The following HIVEP3 variants were observed in gnomAD, a reference collection of about 807,000 sequenced individuals.
HIVEP3 encodes the protein transcription factor HIVEP3.
A neutral mutation model predicts 152.8 loss-of-function variants in HIVEP3; 49 were observed. The ratio of observed to expected loss-of-function variants is 0.32; its 90% CI spans 0.26 to 0.41. The LOEUF is 0.41. Ranked by LOEUF, HIVEP3 falls within the 10% of genes least tolerant of loss-of-function variation. The probability of loss-of-function intolerance (pLI) is 1.00; values close to 1 mark genes in which losing one functional copy is unlikely to be tolerated. For missense variants in HIVEP3, 2,790 were observed against 3,103.3 expected, an observed-to-expected ratio of 0.90 and a Z score of 2.40; for synonymous variants, 1,269 against 1,289.0, an observed-to-expected ratio of 0.98 and a Z score of 0.33.
rs1558017086 is a variant in HIVEP3 at position 41,513,613 on chromosome 1, T to C, written c.5608A>G (p.Ser1870Gly). The C allele has an allele frequency of 6.2e-7, 1 of 1,613,930 alleles. No individual in the cohort carries two copies. The highest frequency in any genetic ancestry group is 8.5e-7 in the Non-Finnish European group (1 of 1,179,982). Reference protein sequence around the residue: ...DEDEDEDEEESQDELSRPSSE... With the variant: ...DEDEDEDEEEGQDELSRPSSE... ...GATGGTCTGGACAGCTCATCCTGGC[T>C]CTCCTCCTCATCCTCATCCTCGTCT... The change falls in exon 8 of 9, where the codon AGC becomes GGC. Residue 1870 changes from serine (S) to glycine (G), a missense_variant. Ser to Gly is a moderately conservative substitution (Grantham distance 56, BLOSUM62 0). This residue lies in a region of HIVEP3 where 816 missense variants were observed against 806.5 expected (regional missense o/e 1.01). Coordinates refer to ENST00000372583, the MANE Select transcript of HIVEP3 (RefSeq NM_024503.5).
intron 2 of HIVEP3, among the ~76,000 whole-genome samples, chr1:41,642,797 G>A (rs75979927): frequency 0.063 from 9,559 of 152,198 alleles, 629 homozygotes; most frequent in African/African-American, 0.17. Flanking sequence ...CAGCCCATCA[G>A]TGTCCACATG....
chr1:41,918,371 G>A lies in HIVEP3; in HGVS notation c.-801+42C>T, dbSNP rs576234195. On this transcript the variant is annotated intron_variant, in intron 1 of 8. Transcript: ENST00000372583. This position sits in a 1 kb window ranked among gnomAD's most constrained non-coding sequence, Gnocchi z 4.3. Reference sequence around the variant, plus strand: ...ACACAATCACAAGGTAAAATACAGCGCAAGGAATCCATCCGCCGAATAAAA... The same window carrying A: ...ACACAATCACAAGGTAAAATACAGCACAAGGAATCCATCCGCCGAATAAAA... 1 of 152,422 alleles carries A rather than the reference G, an allele frequency of 6.6e-6. No individual in the cohort carries two copies. The highest frequency in any genetic ancestry group is 1.9e-4 in the East Asian group (1 of 5,182). 9.4% of individuals were successfully genotyped at this position (152,422 alleles called of 1,614,324 possible).
At chr1:41,909,992 AG>A (rs1557511942) in intron 1 of HIVEP3, among the ~76,000 whole-genome samples, 1 of 151,990 alleles carries the variant, frequency 6.6e-6, no homozygotes, top group African/African-American at 2.4e-5. Flanking sequence ...TGGGGAAAAA[AG>A]CCTGAAAATT....
At chr1:41,680,516 C>T (rs1646022619) in intron 2 of HIVEP3, among the ~76,000 whole-genome samples, 3 of 152,202 alleles carry the variant, frequency 2.0e-5, no homozygotes, top group Non-Finnish European at 1.5e-5. Flanking sequence ...TCTTTTTGAA[C>T]CAGCTGATAG....
At chr1:41,666,274 T>TC (rs1297919142) in intron 2 of HIVEP3, among the ~76,000 whole-genome samples, 3 of 152,300 alleles carry the variant, frequency 2.0e-5, no homozygotes, top group East Asian at 1.9e-4. Context: ...TGAGGTCCAG[T>TC]CCTCCAGACT....
intron 1 of HIVEP3, among the ~76,000 whole-genome samples, chr1:41,838,206 C>T (rs1295358081): frequency 2.0e-5 from 3 of 152,190 alleles, no homozygotes; most frequent in East Asian, 1.9e-4. Context: ...CCCTCATTTT[C>T]CCCCAACGGT....
chr1:41,954,212 C>T (rs747435982), intron 1 of HIVEP3, among the ~76,000 whole-genome samples: 3 of 152,182 alleles, frequency 2.0e-5, no homozygotes, highest in Non-Finnish European at 4.4e-5. Context: ...TTTAAAGGTT[C>T]CCTTGCAGCT....
chr1:41,979,551 G>A (rs1482775067), intron 1 of HIVEP3, among the ~76,000 whole-genome samples: 2 of 152,182 alleles, frequency 1.3e-5, no homozygotes, highest in Non-Finnish European at 2.9e-5. Flanking sequence ...CCCTATTACT[G>A]TCACTCACTC....
intron 5 of HIVEP3, among the ~76,000 whole-genome samples, chr1:41,566,568 A>G (rs909643068): frequency 4.6e-5 from 7 of 152,176 alleles, no homozygotes; most frequent in Non-Finnish European, 2.9e-5. Flanking sequence ...CTCCACAGCC[A>G]GTCTCTTAGG....
chr1:41,975,021 C>T (rs1645252030), intron 1 of HIVEP3, among the ~76,000 whole-genome samples: 1 of 152,150 alleles, frequency 6.6e-6, no homozygotes. Context: ...AGCTAGCTTC[C>T]CAAGGGCCAC....
chr1:41,563,956 G>A (rs1644123120), intron 5 of HIVEP3, among the ~76,000 whole-genome samples: 1 of 152,170 alleles, frequency 6.6e-6, no homozygotes, highest in African/African-American at 2.4e-5. Context: ...CACCTTGGGA[G>A]GCTGAAGAGG....
At chr1:41,551,623 A>T (rs1168953436) in intron 5 of HIVEP3, among the ~76,000 whole-genome samples, 1 of 152,228 alleles carries the variant, frequency 6.6e-6, no homozygotes, top group Non-Finnish European at 1.5e-5. Context: ...GTATGTGTCC[A>T]GGAATTTATC....
chr1:41,593,795 G>C (rs146412853), intron 3 of HIVEP3, among the ~76,000 whole-genome samples: 1 of 152,182 alleles, frequency 6.6e-6, no homozygotes, highest in Non-Finnish European at 1.5e-5. Context: ...CTTATAGTTC[G>C]AGTGGTCAGA....
At chr1:41,771,947 G>A (rs1235698045) in intron 1 of HIVEP3, among the ~76,000 whole-genome samples, 3 of 152,268 alleles carry the variant, frequency 2.0e-5, no homozygotes, top group Admixed American at 6.5e-5. Context: ...TTACAGGCGT[G>A]AGCCACCGCA....
intron 1 of HIVEP3, among the ~76,000 whole-genome samples, chr1:41,702,870 G>T (rs1447062739): frequency 7.2e-5 from 11 of 152,208 alleles, no homozygotes; most frequent in Non-Finnish European, 1.0e-4. Flanking sequence ...AACCCCAACA[G>T]ATGTCCTGAA....
rs145269597 is a variant in HIVEP3 at position 41,521,906 on chromosome 1, G to A, written c.5383+2829C>T. ...CCGCTGGCCTCTGGGAACCATCTGAGAAGAGGAAATGGGACCCCCAGCCAC... is the reference window on the plus strand; with the variant it reads ...CCGCTGGCCTCTGGGAACCATCTGAAAAGAGGAAATGGGACCCCCAGCCAC... On this transcript the variant is annotated intron_variant, in intron 6 of 8. Coordinates refer to ENST00000372583, the MANE Select transcript of HIVEP3 (RefSeq NM_024503.5). 9.3e-4 allele frequency among the ~76,000 whole-genome samples: 141 copies of A among 152,376 alleles called. 1 individual carries two copies. The highest frequency in any genetic ancestry group is 2.9e-3 in the African/African-American group (121 of 41,596).
chr1:41,721,560 G>A (rs899371156), intron 1 of HIVEP3, among the ~76,000 whole-genome samples: 5 of 152,206 alleles, frequency 3.3e-5, no homozygotes, highest in Admixed American at 1.3e-4. Context: ...GTAGGTAGGT[G>A]CATAGGTTAA....
At position 41,974,005 on chromosome 1, in the gene HIVEP3, G is replaced by C. The variant is rs112925327; in HGVS notation, n.120-55481C>G. On this transcript the variant is annotated intron_variant and non_coding_transcript_variant, in intron 1 of 3. Transcript: ENST00000489103. ...AGGGCATGCAAGGTGAGGGGACAGA[G>C]AGAAAACTAGTGTCTTCAAAGAAAT... 8.1e-3 allele frequency among the ~76,000 whole-genome samples: 1,227 copies of C among 152,310 alleles called. 17 individuals carry two copies. Among genetic ancestry groups the C allele is most frequent in the African/African-American group, 0.028 (1,183 of 41,552 alleles).
In HIVEP3 at chr1:42,014,809, C is replaced by T. The variant is rs567204792; in HGVS notation, n.119+20998G>A. On this transcript the variant is annotated intron_variant and non_coding_transcript_variant, in intron 1 of 3. Coordinates refer to the HIVEP3 transcript ENST00000489103. ...CAAGAATTTTCCCTCAAATTTAATACGTTAAAGAAGGGTTCCTTGTTGGTT... is the reference window on the plus strand; with the variant it reads ...CAAGAATTTTCCCTCAAATTTAATATGTTAAAGAAGGGTTCCTTGTTGGTT... Among the ~76,000 whole-genome samples, 10 of 152,266 alleles carry T rather than the reference C, an allele frequency of 6.6e-5. No individual in the cohort carries two copies. The South Asian group carries it at 1.9e-3, about 28-fold the overall frequency.
Sources: gnomAD v4.1 joint callset for allele counts (sites outside exome capture counted in the v4.1 genomes callset) on GRCh38, gnomAD v4.1.1 for gene constraint, gnomAD v4.1.1 regional missense constraint, Gnocchi (gnomAD v3.1) non-coding constraint, MANE v1.5 for transcripts, NCBI Gene and HGNC (gene_info 2026-07-23, HGNC 2026-07-21) for gene names.